The following ATXN2L variants were observed in gnomAD, a reference collection of about 807,000 sequenced individuals.
ATXN2L encodes ataxin-2-like protein.
ATXN2L carries 24 observed loss-of-function variants against 120.7 expected under a neutral mutation model. The observed-to-expected ratio is 0.20, with a 90% CI of 0.14 to 0.28. ATXN2L has a LOEUF of 0.28. ATXN2L is among the 10% of genes least tolerant of loss of function. The pLI is 1.00. For missense variants in ATXN2L, 1,312 were observed against 1,432.3 expected, an observed-to-expected ratio of 0.92 and a Z score of 1.36; for synonymous variants, 653 against 568.1, an observed-to-expected ratio of 1.15 and a Z score of -2.13.
chr16:28,824,457 G>A, intron 1 of ATXN2L: 3 of 1,287,386 alleles, frequency 2.3e-6, no homozygotes, highest in Non-Finnish European at 3.0e-6. Flanking sequence ...CCCCAGCCCC[G>A]CCAGCGGCCC....
Position 28,832,803 on chromosome 16 carries a change from C to T in ATXN2L, c.1589-14C>T, listed in dbSNP as rs372580643. ...ATGTTTTGTATTTTCTTCTTTTTGA[C>T]TGTTTTCTCATAGTCCCTGGTCTTC... On this transcript the variant is annotated splice_polypyrimidine_tract_variant and intron_variant, in intron 12 of 21. Coordinates refer to ENST00000336783, the MANE Select transcript of ATXN2L (RefSeq NM_007245.4). The T allele has an allele frequency of 3.1e-6, 5 of 1,613,332 alleles. No individual in the cohort carries two copies. In the East Asian group the frequency reaches 6.7e-5, roughly 22 times the overall value.
chr16:28,823,444 T>G lies in ATXN2L; in HGVS notation c.185T>G (p.Val62Gly), dbSNP rs1400709440. ...GCCGCCTCCCCCTGCCTGGGGCCTG[T>G]GGCCGCTGCCGGGAGCGGGCTCCGC... ...PAAASPCLGP[V>G]AAAGSGLRRG... is the part of the protein sequence containing the mutation. The change falls in exon 1 of 22, where the codon GTG (valine) becomes GGG (glycine). Residue 62 changes from valine (V) to glycine (G), a missense_variant. Transcript: ENST00000336783. The G allele has an allele frequency of 1.5e-6, 2 of 1,322,768 alleles. No individual in the cohort carries two copies. Among genetic ancestry groups the G allele is most frequent in the Non-Finnish European group, 9.6e-7 (1 of 1,042,774 alleles). 81.9% of individuals were successfully genotyped at this position (1,322,768 alleles called of 1,614,324 possible).
Position 28,823,733 on chromosome 16 carries a change from G to C in ATXN2L, c.299+175G>C, listed in dbSNP as rs1007940006. ...AACAGGTCGGACGGAAAGGGTCCCC[G>C]GGCGGCCACCGGAGCACTGAGGGGC... On this transcript the variant is annotated intron_variant, in intron 1 of 21. Coordinates refer to ENST00000336783, the MANE Select transcript of ATXN2L (RefSeq NM_007245.4). 9.1e-6 allele frequency: 6 copies of C among 662,132 alleles called. No individual in the cohort carries two copies. In the East Asian group the frequency reaches 2.1e-4, roughly 23 times the overall value. The allele number at this position is 662,132 out of a possible 1,614,324, so 41.0% of individuals were successfully genotyped here.
At chr16:28,832,993 G>T in intron 13 of ATXN2L, 66 bp from the exon 14 acceptor site, 1 of 1,592,926 alleles carries the variant, frequency 6.3e-7, no homozygotes, top group East Asian at 2.2e-5. Flanking sequence ...ATCAAAAAAG[G>T]ATGAAAGAAG....
chr16:28,824,135 C>A, intron 1 of ATXN2L: 1 of 1,021,278 alleles, frequency 9.8e-7, no homozygotes, highest in Non-Finnish European at 1.2e-6. Flanking sequence ...CTCTGGCGCG[C>A]GCGCCCCCTT....
intron 15 of ATXN2L, 28 bp from the exon 16 acceptor site, chr16:28,834,037 A>C (rs2055563385): frequency 6.2e-7 from 1 of 1,607,408 alleles, no homozygotes; most frequent in Admixed American, 1.7e-5. Context: ...AAAATACAAA[A>C]TAAAATTGTC....
chr16:28,827,461 C>T (rs1183351493), intron 6 of ATXN2L, among the ~76,000 whole-genome samples: 1 of 152,154 alleles, frequency 6.6e-6, no homozygotes. Context: ...TACTCTCTTA[C>T]TATCTATAAT....
intron 5 of ATXN2L, 87 bp from the exon 6 acceptor site, chr16:28,826,775 C>G: frequency 7.0e-7 from 1 of 1,418,722 alleles, no homozygotes; most frequent in Non-Finnish European, 9.3e-7. Context: ...TGTTCCTGAA[C>G]TACTTACGGA....
chr16:28,825,147 G>T (rs1190596730), intron 1 of ATXN2L, among the ~76,000 whole-genome samples: 1 of 151,854 alleles, frequency 6.6e-6, no homozygotes, highest in Non-Finnish European at 1.5e-5. Context: ...AGCCTTGGAG[G>T]TTGAGGCTAC....
chr16:28,835,463 G>C, intron 20 of ATXN2L, 64 bp downstream of exon 20: 1 of 1,611,242 alleles, frequency 6.2e-7, no homozygotes, highest in Non-Finnish European at 8.5e-7. Flanking sequence ...AGAAGGGATA[G>C]AGCTAGGGGT....
At chr16:28,826,521 G>A in intron 5 of ATXN2L, 131 bp downstream of exon 5, 1 of 1,100,168 alleles carries the variant, frequency 9.1e-7, no homozygotes, top group Non-Finnish European at 1.3e-6. Context: ...TTGCTTTAAT[G>A]CCTTTTTTTT....
rs373330987 is a variant in ATXN2L at position 28,825,962 on chromosome 16, G to A, written c.465+121G>A. The A allele has an allele frequency of 3.3e-5, 32 of 977,232 alleles. 1 individual carries two copies. The South Asian group carries it at 4.4e-4, about 13-fold the overall frequency. The allele number at this position is 977,232 out of a possible 1,614,324, so 60.5% of individuals were successfully genotyped here. The stretch of plus-strand genomic sequence containing the variant: ...TGCCTTTAGTTGTTTCTGTAGGCCT[G>A]TGCTGAATAGTGCTGCAGGGAAAAA... On this transcript the variant is annotated intron_variant, in intron 4 of 21. Transcript: ENST00000336783.
chr16:28,828,013 C>T lies in ATXN2L; in HGVS notation c.741+1027C>T, dbSNP rs539498968. Among the ~76,000 whole-genome samples the T allele has an allele frequency of 3.9e-5, 6 of 152,284 alleles. 2 individuals are homozygous for T. Among genetic ancestry groups the T allele is most frequent in the African/African-American group, 1.4e-4 (6 of 41,562 alleles). On this transcript the variant is annotated intron_variant, in intron 6 of 21. Coordinates refer to ENST00000336783, the MANE Select transcript of ATXN2L (RefSeq NM_007245.4). ...CCTTTTCGAACTTCTCATGGTTGTA[C>T]GTAGATCTAGTTCTTTGCTTCTATT... is the stretch of plus-strand genomic sequence containing the variant.
Position 28,833,118 on chromosome 16 carries a change from G to A in ATXN2L, c.1719G>A (p.Lys573=), listed in dbSNP as rs201651114. Residue 573 remains lysine, a synonymous_variant, in exon 14 of 22, where the codon AAG becomes AAA. Coordinates refer to ENST00000336783, the MANE Select transcript of ATXN2L (RefSeq NM_007245.4). The part of the protein sequence containing the change: ...SLDPFPPRIL[K]EEPKGKEKEV... ...ATCCTTTTCCTCCCCGGATCTTAAA[G>A]GAGGAGCCCAAAGGAAAGGAGAAAG... The A allele has an allele frequency of 6.2e-7, 1 of 1,614,220 alleles. No individual in the cohort carries two copies. Among genetic ancestry groups the A allele is most frequent in the East Asian group, 2.2e-5 (1 of 44,886 alleles).
rs147835265 is a variant in ATXN2L at position 28,832,557 on chromosome 16, A to G, written c.1578A>G (p.Ile526Met). 8.9e-5 allele frequency: 144 copies of G among 1,614,154 alleles called. No individual in the cohort carries two copies. The African/African-American group carries it at 1.6e-3, about 18-fold the overall frequency. The change falls in exon 12 of 22, where the codon ATA becomes ATG. Residue 526 changes from isoleucine to methionine, a missense_variant. Ile to Met is a conservative substitution (Grantham distance 10). Coordinates refer to ENST00000336783, the MANE Select transcript of ATXN2L (RefSeq NM_007245.4). ...TGGAGCCCCAGGAGCTGGCTCGGAT[A>G]GCTGGGAAAGGTGAGGGTGGTTTTT... Reference protein sequence around the residue: ...RTLEPQELARIAGKVPGLQNE... With the variant: ...RTLEPQELARMAGKVPGLQNE...
intron 14 of ATXN2L, 25 bp downstream of exon 14, chr16:28,833,379 G>A: frequency 6.2e-7 from 1 of 1,613,866 alleles, no homozygotes; most frequent in Admixed American, 1.7e-5. Context: ...GTGGGGCTCT[G>A]GGAGGATGGC....
chr16:28,826,286 C>T lies in ATXN2L; in HGVS notation c.512C>T (p.Ala171Val). ...DAVHRKASEP[A>V]GGPRREDIVD... ...GTGCACCGGAAAGCATCTGAGCCAG[C>T]AGGTGGCCCTCGTCGGGAGGACATT... The change falls in exon 5 of 22, where the codon GCA (alanine) becomes GTA (valine). Residue 171 changes from alanine (A) to valine (V), a missense_variant. By Grantham distance (64) the Ala-to-Val change is moderately conservative. Transcript: ENST00000336783. The T allele has an allele frequency of 1.2e-6, 2 of 1,614,192 alleles. No individual in the cohort carries two copies. The highest frequency in any genetic ancestry group is 8.5e-7 in the Non-Finnish European group (1 of 1,180,028).
In ATXN2L at chr16:28,825,402, TGTGA is replaced by T; in HGVS notation, c.336+4_336+7del. On this transcript the variant is annotated splice_donor_variant and splice_donor_region_variant and intron_variant, in intron 2 of 21. Transcript: ENST00000336783. LOFTEE classifies it high-confidence loss of function. ...CAGGAAAGGGACCCCCACAGTCACC[TGTGA>T]GTGTCTTCTCCCACCCTGTTTAAGA... is the stretch of plus-strand genomic sequence containing the variant. The T allele has an allele frequency of 6.2e-7, 1 of 1,613,748 alleles. No homozygotes were observed.
At position 28,830,701 on chromosome 16, in the gene ATXN2L, C is replaced by T. The variant is rs2054055388; in HGVS notation, c.1121C>T (p.Pro374Leu). Residue 374 changes from proline (P) to leucine (L), a missense_variant, in exon 9 of 22, where the codon CCT (proline) becomes CTT (leucine). Transcript: ENST00000336783. The part of the protein sequence containing the change: ...VRCSSSRGGR[P>L]GLSSLPPRGP... ...TGCAGCAGCTCTCGGGGCGGTCGGC[C>T]TGGCCTTAGCTCTTTGCCACCTCGT... 3.1e-6 allele frequency: 5 copies of T among 1,613,668 alleles called. No individual in the cohort carries two copies. Among genetic ancestry groups the T allele is most frequent in the Admixed American group, 1.7e-5 (1 of 59,902 alleles).
Sources: allele counts gnomAD v4.1 joint callset (sites outside exome capture counted in the v4.1 genomes callset), GRCh38; gene constraint gnomAD v4.1.1; transcripts MANE v1.5; gene names NCBI Gene and HGNC (gene_info 2026-07-23, HGNC 2026-07-21).